Variants in SYNJ1 observed in about 807,000 individuals in gnomAD.
SYNJ1 encodes the protein synaptojanin 1.
Under a neutral mutation model 168.2 loss-of-function variants are expected in SYNJ1, and 78 were observed. The observed-to-expected ratio is 0.46, with a 90% confidence interval of 0.39 to 0.56. SYNJ1 has a LOEUF of 0.56. SYNJ1 is among the 20% of genes least tolerant of loss of function. SYNJ1 has a pLI of 0.00. For missense variants in SYNJ1, 1,303 were observed against 1,597.6 expected (o/e 0.82, Z 3.14); for synonymous variants, 539 against 548.6 (o/e 0.98, Z 0.24).
chr21:32,672,137 G>C (rs1807305928), intron 14 of SYNJ1, among the ~76,000 whole-genome samples: 1 of 150,240 alleles, frequency 6.7e-6, no homozygotes, highest in South Asian at 2.1e-4. Flanking sequence ...AAAAAGTTTG[G>C]GGAGAATCCC....
chr21:32,657,378 G>A (rs938165592), intron 19 of SYNJ1, among the ~76,000 whole-genome samples: 7 of 152,164 alleles, frequency 4.6e-5, no homozygotes, highest in Admixed American at 4.6e-4. Context: ...GGACTAAATG[G>A]TGTTTCATAA....
intron 2 of SYNJ1, among the ~76,000 whole-genome samples, chr21:32,717,582 C>T (rs1461132609): frequency 6.6e-6 from 1 of 152,192 alleles, no homozygotes. Context: ...GCAGTATACC[C>T]TTTGCAGTAC....
At chr21:32,697,774 C>T in intron 4 of SYNJ1, among the ~76,000 whole-genome samples, 1 of 152,234 alleles carries the variant, frequency 6.6e-6, no homozygotes, top group East Asian at 1.9e-4. Flanking sequence ...GCGCTCCAGC[C>T]TGGGCGACAG....
chr21:32,666,074 C>T lies in SYNJ1; in HGVS notation c.2014G>A (p.Val672Ile), dbSNP rs1172744556. The T allele has an allele frequency of 6.2e-7, 1 of 1,613,978 alleles. No homozygotes were observed. Among genetic ancestry groups the T allele is most frequent in the South Asian group, 1.1e-5 (1 of 91,056 alleles). ...MGGATGNKGAVAIRMLFHTTS... is the reference protein window; with the variant it reads ...MGGATGNKGAIAIRMLFHTTS... Reference sequence around the variant, plus strand: ...GTATGGAAGAGCATTCGGATTGCAACTGCTCCCTTATTTCCAGTTGCACCT... The same window carrying T: ...GTATGGAAGAGCATTCGGATTGCAATTGCTCCCTTATTTCCAGTTGCACCT... Residue 672 changes from valine (V) to isoleucine (I), a missense_variant, in exon 17 of 33, where the codon GTT (valine) becomes ATT (isoleucine). Physicochemically the swap from Val to Ile is conservative, Grantham distance 29. Transcript: ENST00000674351.
Position 32,685,787 on chromosome 21 carries a change from T to A in SYNJ1, c.1079A>T (p.Asp360Val). The A allele has an allele frequency of 6.2e-7, 1 of 1,610,306 alleles. No homozygotes were observed. Among genetic ancestry groups the A allele is most frequent in the Non-Finnish European group, 8.5e-7 (1 of 1,178,656 alleles). ...TCCATTGAAATAAAAAAATCCATAA[T>A]CTAGAAACTTCTGGACTTGAGGTTT... ...VLKPQVQKFL[D>V]YGFFYFNGSE... The change falls in exon 9 of 33, where the codon GAT (aspartate) becomes GTT (valine). Residue 360 changes from aspartate to valine, a missense_variant. By Grantham distance (152) the Asp-to-Val change is radical. Around this residue, in one of 2 missense-constraint regions of SYNJ1, gnomAD observed 920 missense variants for 1,208.8 expected, o/e 0.76. Transcript: ENST00000674351.
rs2833929 is a variant in SYNJ1, at chr21:32,641,973, C to A, written c.3518-7G>T. 457,738 of 1,613,026 alleles carry A rather than the reference C, an allele frequency of 0.28. 65,816 individuals carry two copies. The highest frequency in any genetic ancestry group is 0.35 in the East Asian group (15,837 of 44,824). On this transcript the variant is annotated splice_polypyrimidine_tract_variant and splice_region_variant and intron_variant, in intron 28 of 32. Coordinates refer to ENST00000674351, the MANE Select transcript of SYNJ1 (RefSeq NM_203446.3). ...GGTGAAGGCTGACTGCGTCCTGGAA[C>A]AAAGACATCATATCATATATTTAAG...
intron 5 of SYNJ1, 151 bp from the exon 6 acceptor site, chr21:32,694,462 G>A: frequency 1.9e-6 from 1 of 517,794 alleles, no homozygotes; most frequent in South Asian, 8.1e-5. Context: ...CCACTATACA[G>A]GTTTGACTTT....
intron 3 of SYNJ1, among the ~76,000 whole-genome samples, chr21:32,701,000 C>CT (rs2042381624): frequency 1.3e-5 from 2 of 152,138 alleles, no homozygotes; most frequent in East Asian, 3.9e-4. Context: ...TGAGCATGGG[C>CT]TCTGACACAG....
intron 7 of SYNJ1, 72 bp downstream of exon 7, chr21:32,688,234 A>T: frequency 7.0e-7 from 1 of 1,429,666 alleles, no homozygotes; most frequent in Non-Finnish European, 9.5e-7. Context: ...GTTTGAAGTG[A>T]ATCAGTAAAT....
chr21:32,669,548 C>T (rs2041098314), intron 15 of SYNJ1, among the ~76,000 whole-genome samples: 1 of 152,072 alleles, frequency 6.6e-6, no homozygotes, highest in Admixed American at 6.5e-5. Context: ...TACAAAATCA[C>T]GCAAAGGTAA....
chr21:32,711,250 T>A (rs575390632), intron 2 of SYNJ1, among the ~76,000 whole-genome samples: 2 of 152,266 alleles, frequency 1.3e-5, no homozygotes, highest in South Asian at 2.1e-4. Flanking sequence ...ATATATCAAT[T>A]GTTCTCTATC....
intron 11 of SYNJ1, 93 bp from the exon 12 acceptor site, chr21:32,678,894 T>TACTAAA: frequency 6.6e-7 from 1 of 1,521,964 alleles, no homozygotes; most frequent in Non-Finnish European, 8.8e-7. Context: ...ATCAGTTTTA[T>TACTAAA]ATGATTTTAG....
intron 21 of SYNJ1, among the ~76,000 whole-genome samples, chr21:32,655,540 A>G (rs1237519848): frequency 1.3e-5 from 2 of 152,140 alleles, no homozygotes; most frequent in Non-Finnish European, 2.9e-5. Context: ...AAGCCATACC[A>G]TCTTAATTCT....
intron 2 of SYNJ1, among the ~76,000 whole-genome samples, chr21:32,720,567 T>C (rs1256142257): frequency 1.3e-5 from 2 of 152,220 alleles, no homozygotes; most frequent in East Asian, 1.9e-4. Context: ...GAAAACCAGG[T>C]GCAGTGATAT....
intron 2 of SYNJ1, among the ~76,000 whole-genome samples, chr21:32,719,093 C>G (rs1025871451): frequency 4.6e-5 from 7 of 152,192 alleles, no homozygotes; most frequent in Non-Finnish European, 1.0e-4. Context: ...GATAAAAGCA[C>G]AATCTGAACT....
intron 31 of SYNJ1, among the ~76,000 whole-genome samples, chr21:32,635,883 T>C (rs184992009): frequency 6.6e-6 from 1 of 152,302 alleles, no homozygotes; most frequent in Admixed American, 6.5e-5. Context: ...CTCTATAATA[T>C]ACCATTATTT....
intron 29 of SYNJ1, among the ~76,000 whole-genome samples, chr21:32,640,219 T>C (rs564725254): frequency 1.1e-4 from 17 of 152,064 alleles, no homozygotes; most frequent in Non-Finnish European, 2.2e-4. Context: ...GGGATGATTT[T>C]AAAATATACA....
chr21:32,693,200 T>C (rs2042087591), intron 6 of SYNJ1, among the ~76,000 whole-genome samples: 1 of 152,178 alleles, frequency 6.6e-6, no homozygotes. Flanking sequence ...TTCAGCAATG[T>C]TCTTAAAGCA....
chr21:32,714,117 T>TA (rs1243001310), intron 2 of SYNJ1, among the ~76,000 whole-genome samples: 3 of 152,150 alleles, frequency 2.0e-5, no homozygotes, highest in Non-Finnish European at 2.9e-5. Context: ...CTTATTATTT[T>TA]AAAAAAATAC....
Sources: gnomAD v4.1 joint callset for allele counts (sites outside exome capture counted in the v4.1 genomes callset) on GRCh38, gnomAD v4.1.1 for gene constraint, gnomAD v4.1.1 regional missense constraint, MANE v1.5 for transcripts, NCBI Gene and HGNC (gene_info 2026-07-23, HGNC 2026-07-21) for gene names.